Variants in CDC14A observed in about 807,000 individuals in gnomAD.
The protein encoded by CDC14A is cell division cycle 14A.
Under a neutral mutation model 74.4 loss-of-function variants are expected in CDC14A, and 53 were observed. The ratio of observed to expected loss-of-function variants is 0.71; its 90% CI spans 0.57 to 0.89. CDC14A has a LOEUF of 0.89. Among genes scored for constraint, CDC14A ranks in the 40% least tolerant of loss-of-function variants. CDC14A has a pLI of 0.00. For synonymous variants in CDC14A, 247 were observed against 258.4 expected (o/e 0.96, Z 0.43); for missense variants, 646 against 713.7 (o/e 0.91, Z 1.08).
At chr1:100,420,063 C>CACATATATATATATATATATATAT in intron 4 of CDC14A, among the ~76,000 whole-genome samples, 27 of 61,584 alleles carry the variant, frequency 4.4e-4, no homozygotes, top group South Asian at 8.9e-4. Flanking sequence ...CACACACACA[C>CACATATATATATATATATATATAT]ATATATATAT....
intron 15 of CDC14A, among the ~76,000 whole-genome samples, chr1:100,511,543 A>T (rs2101477521): frequency 6.6e-6 from 1 of 152,266 alleles, no homozygotes; most frequent in South Asian, 2.1e-4. Context: ...TCTGGGTGTT[A>T]CCTGGGATAG....
In CDC14A at chr1:100,504,001, A is replaced by G. The variant is rs145942807; in HGVS notation, c.1755+4739A>G. ...TACATCCCACCTTGGTCTAAATCAG[A>G]ATACTCTTTTTCACTCAGAATTTGC... On this transcript the variant is annotated intron_variant, in intron 15 of 15. Transcript: ENST00000336454. Among the ~76,000 whole-genome samples the G allele has an allele frequency of 6.1e-3, 930 of 152,232 alleles. 11 individuals are homozygous for G. The highest frequency in any genetic ancestry group is 0.021 in the African/African-American group (870 of 41,540).
upstream of CDC14A, chr1:100,351,888 G>A: frequency 7.8e-7 from 1 of 1,284,780 alleles, no homozygotes. Context: ...TTATAAAGAT[G>A]CAGACCCCCT....
rs1665113026 is a variant in CDC14A at position 100,442,812 on chromosome 1, T to C, written c.457-122T>C. The C allele has an allele frequency of 8.7e-6, 6 of 692,476 alleles. No individual in the cohort carries two copies. The South Asian group carries it at 1.0e-4, about 12-fold the overall frequency. The allele number at this position is 692,476 out of a possible 1,614,324, so 42.9% of individuals were successfully genotyped here. Reference sequence around the variant, plus strand: ...AAGATTTCTAGATATGCATTAAACATCAAAGGTTTCAAGCTGTCTCTTCAG... The same window carrying C: ...AAGATTTCTAGATATGCATTAAACACCAAAGGTTTCAAGCTGTCTCTTCAG... On this transcript the variant is annotated intron_variant, in intron 6 of 15. Coordinates refer to ENST00000336454, the MANE Select transcript of CDC14A (RefSeq NM_003672.4).
chr1:100,483,119 G>C (rs751427079), intron 10 of CDC14A, among the ~76,000 whole-genome samples: 1 of 152,036 alleles, frequency 6.6e-6, no homozygotes, highest in Admixed American at 6.6e-5. Flanking sequence ...TAATGGGATT[G>C]CTGGGACGAA....
At position 100,411,977 on chromosome 1, in the gene CDC14A, CT is replaced by C. The variant is rs552960010; in HGVS notation, c.310-12242del. ...AGGCAGAGAACAACACATACAAAGG[CT>C]TTAGAGTGGGAATGAACTAGGAAAG... On this transcript the variant is annotated intron_variant, in intron 4 of 15. Transcript: ENST00000336454. Among the ~76,000 whole-genome samples, 27 of 152,174 alleles carry C rather than the reference CT, an allele frequency of 1.8e-4. 1 individual carries two copies. The South Asian group carries it at 5.6e-3, about 32-fold the overall frequency.
chr1:100,380,920 C>G (rs1407309832), intron 3 of CDC14A, among the ~76,000 whole-genome samples: 1 of 152,210 alleles, frequency 6.6e-6, no homozygotes, highest in Non-Finnish European at 1.5e-5. Context: ...AATACCTTGT[C>G]CAGCCACCAC....
At chr1:100,448,940 C>G (rs1055822566) in intron 7 of CDC14A, among the ~76,000 whole-genome samples, 3 of 152,192 alleles carry the variant, frequency 2.0e-5, no homozygotes, top group Non-Finnish European at 4.4e-5. Flanking sequence ...TCTTGTGCCT[C>G]ATTCTGCAGA....
At position 100,451,582 on chromosome 1, in the gene CDC14A, GT is replaced by G. The variant is rs1429351060; in HGVS notation, c.520-3819del. On this transcript the variant is annotated intron_variant, in intron 7 of 15. Transcript: ENST00000336454. ...ACTATACTGTCAACACTGTTTTGTT[GT>G]TTTAGAAGTTAGGGAAATATAAAGA... Among the ~76,000 whole-genome samples, 3 of 152,290 alleles carry G rather than the reference GT, an allele frequency of 2.0e-5. No individual in the cohort carries two copies. The East Asian group carries it at 5.8e-4, about 29-fold the overall frequency.
chr1:100,492,868 GTGTGTGTGTGTGGGTA>G (rs1670853485), intron 11 of CDC14A, among the ~76,000 whole-genome samples: 1 of 149,826 alleles, frequency 6.7e-6, no homozygotes, highest in Non-Finnish European at 1.5e-5. Context: ...GTGTGTATGT[GTGTGTGTGTGTGGGTA>G]TGTGTGTGTG....
intron 11 of CDC14A, chr1:100,485,357 A>G (rs1360156105): frequency 1.0e-6 from 1 of 959,204 alleles, no homozygotes; most frequent in East Asian, 1.1e-4. Flanking sequence ...TTATACTTTT[A>G]TATCTCTAAA....
chr1:100,497,626 A>C (rs1362130915), intron 13 of CDC14A, among the ~76,000 whole-genome samples: 1 of 152,226 alleles, frequency 6.6e-6, no homozygotes, highest in East Asian at 1.9e-4. Flanking sequence ...GGTGAAAAGA[A>C]GAGGATGGAT....
intron 8 of CDC14A, among the ~76,000 whole-genome samples, chr1:100,461,664 T>C (rs1315380931): frequency 2.0e-5 from 3 of 149,844 alleles, no homozygotes; most frequent in Admixed American, 2.0e-4. Flanking sequence ...GCTAGGTCTG[T>C]AACCCAGCTG....
At chr1:100,470,185 C>G (rs913118294) in intron 10 of CDC14A, among the ~76,000 whole-genome samples, 2 of 151,812 alleles carry the variant, frequency 1.3e-5, no homozygotes, top group African/African-American at 4.8e-5. Context: ...CAAATTAACA[C>G]AAAAAGTAGA....
intron 3 of CDC14A, among the ~76,000 whole-genome samples, chr1:100,379,669 A>G (rs1277102772): frequency 2.0e-5 from 3 of 152,218 alleles, no homozygotes; most frequent in African/African-American, 7.2e-5. Context: ...TTGCATTGCT[A>G]TAAAGGAATA....
chr1:100,476,191 G>T (rs1668878983), intron 10 of CDC14A, among the ~76,000 whole-genome samples: 1 of 152,156 alleles, frequency 6.6e-6, no homozygotes, highest in Non-Finnish European at 1.5e-5. Flanking sequence ...GGTGGCTCAT[G>T]CCTATAATCC....
intron 10 of CDC14A, among the ~76,000 whole-genome samples, chr1:100,479,200 C>T (rs1202339503): frequency 6.6e-6 from 1 of 152,106 alleles, no homozygotes; most frequent in Non-Finnish European, 1.5e-5. Context: ...ATGGAAAATG[C>T]TTGAAAAAGT....
chr1:100,394,415 A>G (rs1658174326), intron 4 of CDC14A, among the ~76,000 whole-genome samples: 1 of 152,032 alleles, frequency 6.6e-6, no homozygotes, highest in Admixed American at 6.5e-5. Context: ...ACCACACCCA[A>G]CCTCTTCTTT....
At chr1:100,374,488 G>A (rs1248609956) in intron 2 of CDC14A, among the ~76,000 whole-genome samples, 1 of 152,150 alleles carries the variant, frequency 6.6e-6, no homozygotes, top group Admixed American at 6.5e-5. Flanking sequence ...ACTTTTTAAT[G>A]ATCGCCATTC....
Sources: gnomAD v4.1 joint callset for allele counts (sites outside exome capture counted in the v4.1 genomes callset) on GRCh38, gnomAD v4.1.1 for gene constraint, MANE v1.5 for transcripts, NCBI Gene and HGNC (gene_info 2026-07-23, HGNC 2026-07-21) for gene names.